The following MAML2 variants were observed in gnomAD, a reference collection of about 807,000 sequenced individuals.
MAML2 encodes mastermind-like protein 2.
MAML2 carries 22 observed loss-of-function variants against 96.1 expected under a neutral mutation model. The observed-to-expected ratio is 0.23, with a 90% CI of 0.16 to 0.33. The LOEUF (loss-of-function observed/expected upper bound fraction) is 0.33, where lower values mean the gene tolerates loss of function less well. Among genes scored for constraint, MAML2 ranks in the 10% least tolerant of loss-of-function variants. The pLI, the probability that MAML2 is intolerant of heterozygous loss-of-function variation, is 1.00. For synonymous variants in MAML2, 561 were observed against 521.3 expected (o/e 1.08, Z -1.04); for missense variants, 1,367 against 1,392.4 (o/e 0.98, Z 0.29).
intron 1 of MAML2, among the ~76,000 whole-genome samples, chr11:96,108,292 C>A (rs868168072): frequency 2.0e-5 from 3 of 152,156 alleles, no homozygotes; most frequent in Non-Finnish European, 4.4e-5. Flanking sequence ...CTGTGGTGAG[C>A]GAGAGTAGAA....
intron 2 of MAML2, among the ~76,000 whole-genome samples, chr11:96,039,620 A>G (rs1304612012): frequency 6.6e-6 from 1 of 152,158 alleles, no homozygotes; most frequent in Non-Finnish European, 1.5e-5. Context: ...GCCCAGAAGT[A>G]GCCTTGAAAA....
intron 1 of MAML2, among the ~76,000 whole-genome samples, chr11:96,200,070 A>C (rs78252495): frequency 0.025 from 3,859 of 152,288 alleles, 150 homozygotes; most frequent in African/African-American, 0.087. Context: ...TAAATTAAGA[A>C]ATAAAAGTGT....
intron 1 of MAML2, among the ~76,000 whole-genome samples, chr11:96,179,330 A>G (rs1861446674): frequency 6.6e-6 from 1 of 152,230 alleles, no homozygotes; most frequent in Non-Finnish European, 1.5e-5. Context: ...ACACAGGATC[A>G]AGTAACAATA....
At chr11:96,218,964 A>G (rs1032794939) in intron 1 of MAML2, among the ~76,000 whole-genome samples, 1 of 152,224 alleles carries the variant, frequency 6.6e-6, no homozygotes, top group African/African-American at 2.4e-5. Flanking sequence ...GATCAGAAGT[A>G]CATTATCTCC....
intron 2 of MAML2, among the ~76,000 whole-genome samples, chr11:96,053,286 C>A (rs1366254431): frequency 6.6e-6 from 1 of 152,156 alleles, no homozygotes; most frequent in African/African-American, 2.4e-5. Context: ...TGCCAACTGC[C>A]ACTAGAGCCT....
intron 1 of MAML2, among the ~76,000 whole-genome samples, chr11:96,287,140 G>C (rs1399500379): frequency 6.6e-6 from 1 of 152,226 alleles, no homozygotes; most frequent in Non-Finnish European, 1.5e-5. Context: ...ATTGTCATCA[G>C]ATAGTTGTAT....
At chr11:96,317,923 A>C (rs981648446) in intron 1 of MAML2, among the ~76,000 whole-genome samples, 3 of 152,240 alleles carry the variant, frequency 2.0e-5, no homozygotes, top group Admixed American at 2.0e-4. Context: ...TCTAAATGGT[A>C]AACTCCTGAG....
In MAML2 at chr11:96,017,492, C is replaced by T. The variant is rs531349374; in HGVS notation, c.2140-25769G>A. ...ACTGGGGTTATAGTGGTAAATAAAT[C>T]AGAGCTCTGGCCCTCATGAAACCAA... On this transcript the variant is annotated intron_variant, in intron 2 of 4. Transcript: ENST00000524717. Among the ~76,000 whole-genome samples the T allele has an allele frequency of 7.5e-5, 11 of 147,518 alleles. No individual in the cohort carries two copies. In the East Asian group the frequency reaches 2.1e-3, roughly 28 times the overall value.
rs146990916 is a variant in MAML2, at chr11:96,329,941, G to A, written c.513+11442C>T. ...AAAGTCTTCTGTGACCTAGAAGATC[G>A]AATGCAATTACATTGCCCATATATA... On this transcript the variant is annotated intron_variant, in intron 1 of 4. Transcript: ENST00000524717. Among the ~76,000 whole-genome samples the A allele has an allele frequency of 1.7e-4, 26 of 152,248 alleles. 1 individual carries two copies. In the East Asian group the frequency reaches 3.9e-3, roughly 23 times the overall value.
chr11:96,270,277 C>A (rs1417533483), intron 1 of MAML2, among the ~76,000 whole-genome samples: 1 of 152,166 alleles, frequency 6.6e-6, no homozygotes, highest in East Asian at 1.9e-4. Flanking sequence ...CCAACAAATA[C>A]CACTTCTGAC....
At chr11:96,196,781 C>A (rs523519) in intron 1 of MAML2, among the ~76,000 whole-genome samples, 63,914 of 151,852 alleles carry the variant, frequency 0.42, 13,557 homozygotes, top group Middle Eastern at 0.51. Flanking sequence ...TTTCAGCCTG[C>A]TTAGAATTCA....
chr11:96,177,403 G>A (rs1348142919), intron 1 of MAML2, among the ~76,000 whole-genome samples: 1 of 152,224 alleles, frequency 6.6e-6, no homozygotes, highest in Non-Finnish European at 1.5e-5. Flanking sequence ...CATGTGATAT[G>A]TACAATCATT....
At chr11:96,081,727 A>G (rs183819350) in intron 2 of MAML2, among the ~76,000 whole-genome samples, 1 of 152,334 alleles carries the variant, frequency 6.6e-6, no homozygotes, top group East Asian at 1.9e-4. Context: ...TGTTCGTTGT[A>G]TATCTCATGG....
intron 1 of MAML2, among the ~76,000 whole-genome samples, chr11:96,308,609 A>T (rs536569130): frequency 1.3e-5 from 2 of 152,214 alleles, no homozygotes; most frequent in Non-Finnish European, 2.9e-5. Context: ...AACAAATGGT[A>T]CTTTGCATCA....
chr11:96,307,994 C>T (rs1863488326), intron 1 of MAML2, among the ~76,000 whole-genome samples: 1 of 152,030 alleles, frequency 6.6e-6, no homozygotes, highest in Non-Finnish European at 1.5e-5. Flanking sequence ...GTTTTGAATG[C>T]TGATTGTTCT....
At chr11:96,001,850 T>C (rs1044464130) in intron 2 of MAML2, among the ~76,000 whole-genome samples, 10 of 152,170 alleles carry the variant, frequency 6.6e-5, no homozygotes, top group African/African-American at 2.4e-4. Flanking sequence ...ACACATCCTT[T>C]CCTCACCCTA....
At chr11:96,056,391 A>AAG (rs1427314897) in intron 2 of MAML2, among the ~76,000 whole-genome samples, 3 of 151,384 alleles carry the variant, frequency 2.0e-5, no homozygotes, top group Non-Finnish European at 4.4e-5. Flanking sequence ...TTCTGAGGAA[A>AAG]AAAAAAAAAA....
Position 95,979,434 on chromosome 11 carries a change from G to C in MAML2, c.2985C>G (p.Thr995=), listed in dbSNP as rs1003958742. Reference sequence around the variant, plus strand: ...CTGCCTGTTGCAGTGACTGATTTGGGGTATAGGCTGCAGGTGTACCTGTGG... The same window carrying C: ...CTGCCTGTTGCAGTGACTGATTTGGCGTATAGGCTGCAGGTGTACCTGTGG... ...RFPTGTPAAY[T]PNQSLQQAVG... Residue 995 remains threonine (T), a synonymous_variant, in exon 5 of 5, where the codon ACC becomes ACG. Coordinates refer to ENST00000524717, the MANE Select transcript of MAML2 (RefSeq NM_032427.4). 1 of 1,613,582 alleles carries C rather than the reference G, an allele frequency of 6.2e-7. No individual in the cohort carries two copies. The highest frequency in any genetic ancestry group is 1.3e-5 in the African/African-American group (1 of 75,052).
At chr11:96,216,263 A>G (rs1862048922) in intron 1 of MAML2, among the ~76,000 whole-genome samples, 1 of 152,194 alleles carries the variant, frequency 6.6e-6, no homozygotes, top group Non-Finnish European at 1.5e-5. Context: ...TAAACCCTCC[A>G]TTCATACTTG....
Sources: allele counts gnomAD v4.1 joint callset (sites outside exome capture counted in the v4.1 genomes callset), GRCh38; gene constraint gnomAD v4.1.1; transcripts MANE v1.5; gene names NCBI Gene and HGNC (gene_info 2026-07-23, HGNC 2026-07-21).